Variants in ASCC3 observed in about 807,000 individuals in gnomAD.
ASCC3 encodes the protein activating signal cointegrator 1 complex subunit 3, also known as ASC-1 complex subunit P200.
A neutral mutation model predicts 256.3 loss-of-function variants in ASCC3; 158 were observed. The ratio of observed to expected loss-of-function variants is 0.62; its 90% confidence interval spans 0.54 to 0.70. The LOEUF is 0.70. Among genes scored for constraint, ASCC3 ranks in the 30% least tolerant of loss-of-function variants. The probability of loss-of-function intolerance (pLI) is 0.00; values close to 1 mark genes in which losing one functional copy is unlikely to be tolerated. For missense variants in ASCC3, 2,259 were observed against 2,626.0 expected (o/e 0.86, Z 3.05); for synonymous variants, 948 against 883.4 (o/e 1.07, Z -1.30).
chr6:100,628,943 T>A, intron 27 of ASCC3, 72 bp downstream of exon 27: 1 of 1,347,400 alleles, frequency 7.4e-7, no homozygotes, highest in Non-Finnish European at 1.0e-6. Flanking sequence ...TACATGCAAA[T>A]TAAAAATACT....
intron 33 of ASCC3, among the ~76,000 whole-genome samples, chr6:100,603,532 C>G (rs1772732904): frequency 6.6e-6 from 1 of 152,034 alleles, no homozygotes; most frequent in Non-Finnish European, 1.5e-5. Flanking sequence ...TTTCCTATCT[C>G]AAAGGGAAAG....
chr6:100,531,474 T>C (rs1208920151), intron 37 of ASCC3, among the ~76,000 whole-genome samples: 2 of 152,136 alleles, frequency 1.3e-5, no homozygotes, highest in African/African-American at 4.8e-5. Context: ...AAACTACGCT[T>C]TGGGCTAGTT....
Position 100,846,940 on chromosome 6 carries a change from T to C in ASCC3, c.801+1208A>G, listed in dbSNP as rs80203369. On this transcript the variant is annotated intron_variant, in intron 4 of 41. Transcript: ENST00000369162. ...GAGAACAAGTTTGCTATCTTATTCA[T>C]CCTTTTATGTTCAGTAAATAGCACT... 2.0e-5 allele frequency among the ~76,000 whole-genome samples: 3 copies of C among 152,278 alleles called. No individual in the cohort carries two copies. The East Asian group carries it at 5.8e-4, about 29-fold the overall frequency.
rs1582448827 is a variant in ASCC3 at position 100,560,114 on chromosome 6, T to C, written c.5551-19727A>G. ...TTCTGGTAATATATGTAAGTGGATA[T>C]ACTTTGGACATCTAACTTAGTGTCT... is the stretch of plus-strand genomic sequence containing the variant. On this transcript the variant is annotated intron_variant, in intron 36 of 41. Transcript: ENST00000369162. Among the ~76,000 whole-genome samples, 5 of 152,308 alleles carry C rather than the reference T, an allele frequency of 3.3e-5. 1 individual carries two copies. In the Middle Eastern group the frequency reaches 0.014, roughly 414 times the overall value.
At chr6:100,548,304 T>C (rs1240455707) in intron 36 of ASCC3, among the ~76,000 whole-genome samples, 1 of 152,020 alleles carries the variant, frequency 6.6e-6, no homozygotes. Flanking sequence ...AATATTCTAC[T>C]ATCTATGCAT....
intron 37 of ASCC3, among the ~76,000 whole-genome samples, chr6:100,518,423 C>T (rs1275364313): frequency 1.3e-5 from 2 of 152,066 alleles, no homozygotes; most frequent in African/African-American, 2.4e-5. Context: ...AGCATTAAAA[C>T]AAAGATAAAA....
At chr6:100,516,729 C>T (rs1040997335) in intron 38 of ASCC3, among the ~76,000 whole-genome samples, 1 of 152,028 alleles carries the variant, frequency 6.6e-6, no homozygotes, top group Admixed American at 6.6e-5. Context: ...TTGTTGGGAA[C>T]ATAAAGTTAA....
intron 6 of ASCC3, among the ~76,000 whole-genome samples, 158 bp from the exon 7 acceptor site, chr6:100,799,730 CTGAG>C (rs2114341643): frequency 6.6e-6 from 1 of 152,116 alleles, no homozygotes; most frequent in South Asian, 2.1e-4. Context: ...CTGAAATTTT[CTGAG>C]TGACAAAATA....
intron 10 of ASCC3, among the ~76,000 whole-genome samples, chr6:100,738,167 T>C (rs1048822148): frequency 6.6e-5 from 10 of 152,338 alleles, no homozygotes; most frequent in Admixed American, 4.6e-4. Context: ...ATTCTGTAGG[T>C]TGTCCATTCA....
chr6:100,797,843 G>C (rs1582878824), intron 8 of ASCC3, among the ~76,000 whole-genome samples: 1 of 152,150 alleles, frequency 6.6e-6, no homozygotes, highest in East Asian at 1.9e-4. Flanking sequence ...CAGAATAAAG[G>C]CATAAAATGG....
rs189024254 is a variant in ASCC3, at chr6:100,520,130, T to G, written c.5776-1988A>C. On this transcript the variant is annotated intron_variant, in intron 37 of 41. Coordinates refer to ENST00000369162, the MANE Select transcript of ASCC3 (RefSeq NM_006828.4). ...CGTTTCTCTCCTGGAAAATTCTAAT[T>G]ATTCTTTATTCTCATCTAATTTCTT... Among the ~76,000 whole-genome samples the G allele has an allele frequency of 7.4e-4, 112 of 152,228 alleles. No individual in the cohort carries two copies. In the East Asian group the frequency reaches 0.02, roughly 28 times the overall value.
chr6:100,780,348 C>T (rs1255609964), intron 8 of ASCC3, among the ~76,000 whole-genome samples: 2 of 152,168 alleles, frequency 1.3e-5, no homozygotes, highest in Admixed American at 1.3e-4. Context: ...TGTCCTAACA[C>T]AGCAGATTAC....
chr6:100,786,389 CA>C (rs1769083839), intron 8 of ASCC3, among the ~76,000 whole-genome samples: 1 of 152,092 alleles, frequency 6.6e-6, no homozygotes, highest in African/African-American at 2.4e-5. Flanking sequence ...AGGAGATGTA[CA>C]TTTAAAATGG....
chr6:100,551,999 C>A (rs2114686427), intron 36 of ASCC3, among the ~76,000 whole-genome samples: 1 of 151,902 alleles, frequency 6.6e-6, no homozygotes, highest in African/African-American at 2.4e-5. Flanking sequence ...CACTTCCAAG[C>A]TATGTAACCT....
intron 37 of ASCC3, 57 bp from the exon 38 acceptor site, chr6:100,518,199 A>G: frequency 6.3e-7 from 1 of 1,584,552 alleles, no homozygotes; most frequent in Non-Finnish European, 8.7e-7. Context: ...TGCCCCCTCC[A>G]CTGGGATTCT....
chr6:100,851,391 T>A (rs890129752), intron 3 of ASCC3, among the ~76,000 whole-genome samples: 1 of 152,196 alleles, frequency 6.6e-6, no homozygotes, highest in African/African-American at 2.4e-5. Context: ...GGTTACTGGT[T>A]GAATTCTGAT....
At chr6:100,569,858 T>C (rs943709173) in intron 36 of ASCC3, among the ~76,000 whole-genome samples, 30 of 152,188 alleles carry the variant, frequency 2.0e-4, no homozygotes, top group African/African-American at 7.2e-4. Flanking sequence ...ATTAAATCTG[T>C]AGATTGCTTT....
chr6:100,661,966 T>A lies in ASCC3; in HGVS notation c.2543A>T (p.Gln848Leu). ...FVDLGILDVM[Q>L]IFGRAGRPQF... Reference sequence around the variant, plus strand: ...TGGTCGTCCAGCTCGACCAAATATCTGCATGACATCTAAAATTCCAAGGTC... The same window carrying A: ...TGGTCGTCCAGCTCGACCAAATATCAGCATGACATCTAAAATTCCAAGGTC... The change falls in exon 16 of 42, where the codon CAG becomes CTG. Residue 848 changes from glutamine to leucine, a missense_variant. Transcript: ENST00000369162. 1 of 1,613,382 alleles carries A rather than the reference T, an allele frequency of 6.2e-7. No homozygotes were observed. The highest frequency in any genetic ancestry group is 8.5e-7 in the Non-Finnish European group (1 of 1,179,510).
chr6:100,754,193 A>G (rs1781070525), intron 10 of ASCC3, among the ~76,000 whole-genome samples: 1 of 152,216 alleles, frequency 6.6e-6, no homozygotes, highest in African/African-American at 2.4e-5. Flanking sequence ...ATTAGTCATA[A>G]AATATAACAA....
Sources: gnomAD v4.1 joint callset for allele counts (sites outside exome capture counted in the v4.1 genomes callset) on GRCh38, gnomAD v4.1.1 for gene constraint, MANE v1.5 for transcripts, NCBI Gene and HGNC (gene_info 2026-07-23, HGNC 2026-07-21) for gene names.